The following STX6 variants were observed in gnomAD, a reference collection of about 807,000 sequenced individuals.
STX6 encodes syntaxin 6.
In STX6, 23 loss-of-function variants were observed where a neutral mutation model predicts 38.0. That is an observed-to-expected ratio of 0.60 (90% CI 0.43 to 0.86). The LOEUF (loss-of-function observed/expected upper bound fraction) is 0.86, where lower values mean the gene tolerates loss of function less well. STX6 is among the 40% of genes least tolerant of loss of function. The probability of loss-of-function intolerance (pLI) is 0.00; values close to 1 mark genes in which losing one functional copy is unlikely to be tolerated. For missense variants in STX6, 274 were observed against 312.9 expected (o/e 0.88, Z 0.94); for synonymous variants, 123 against 107.5 (o/e 1.14, Z -0.89).
chr1:181,000,630 CTCTT>C (rs796963562), intron 3 of STX6, among the ~76,000 whole-genome samples: 7 of 152,280 alleles, frequency 4.6e-5, no homozygotes, highest in East Asian at 3.9e-4. Context: ...TCATATCAAC[CTCTT>C]TCTAAGAATG....
intron 5 of STX6, among the ~76,000 whole-genome samples, chr1:180,989,687 G>A (rs1019340320): frequency 2.6e-5 from 4 of 151,872 alleles, no homozygotes; most frequent in Admixed American, 6.6e-5. Flanking sequence ...TGGCATGATC[G>A]AAGCTCACTG....
At position 180,972,966 on chromosome 1, in the gene STX6, G is replaced by A. The variant is rs550825391; in HGVS notation, c.*3604C>T. The A allele has an allele frequency of 3.4e-5, 7 of 207,846 alleles. No individual in the cohort carries two copies. The highest frequency in any genetic ancestry group is 2.0e-3 in the Middle Eastern group (1 of 488). The allele number at this position is 207,846 out of a possible 1,614,324, so 12.9% of individuals were successfully genotyped here. A position where few individuals can be genotyped will look rare whatever the true frequency, so the allele number is the denominator to read the frequency against. ...GAGTAAGGCCTGTCACTGGGGCAGG[G>A]GCACTGTCCTCAGGGGCGGACTTTG... On this transcript the variant is annotated 3_prime_UTR_variant, in exon 8 of 8. Transcript: ENST00000258301.
Position 181,022,853 on chromosome 1 carries a change from A to G in STX6, c.-180T>C, listed in dbSNP as rs1656787960. 2 of 594,460 alleles carry G rather than the reference A, an allele frequency of 3.4e-6. No individual in the cohort carries two copies. The highest frequency in any genetic ancestry group is 3.9e-5 in the African/African-American group (2 of 51,004). 36.8% of individuals were successfully genotyped at this position (594,460 alleles called of 1,614,324 possible). A position where few individuals can be genotyped will look rare whatever the true frequency, so the allele number is the denominator to read the frequency against. On this transcript the variant is annotated 5_prime_UTR_variant, in exon 1 of 8. Coordinates refer to ENST00000258301, the MANE Select transcript of STX6 (RefSeq NM_005819.6). ...ACGGCCGCTGGTCCAGCACTCGCTC[A>G]GCACCACTGGCCGAATCCCGGACTC... is the stretch of plus-strand genomic sequence containing the variant.
At chr1:181,022,589 A>C (rs1326807231) in intron 1 of STX6, 50 bp downstream of exon 1, 1 of 1,574,916 alleles carries the variant, frequency 6.3e-7, no homozygotes, top group Non-Finnish European at 8.6e-7. Context: ...AGGTGCGGGC[A>C]GGCAGCACCG....
Position 180,984,687 on chromosome 1 carries a change from A to G in STX6, c.681T>C (p.His227=), listed in dbSNP as rs151162475. Residue 227 remains histidine, a synonymous_variant, in exon 7 of 8, where the codon CAT becomes CAC. Coordinates refer to ENST00000258301, the MANE Select transcript of STX6 (RefSeq NM_005819.6). ...AAACGCCATACATACCACTGGTCAT[A>G]TGAGATACTTTTGCAAGTTTCTTCA... is the stretch of plus-strand genomic sequence containing the variant. ...NVMKKLAKVS[H]MTSDRRQWCA... 9.3e-5 allele frequency: 141 copies of G among 1,519,364 alleles called. 1 individual carries two copies. In the African/African-American group the frequency reaches 1.8e-3, roughly 19 times the overall value. The allele number at this position is 1,519,364 out of a possible 1,614,324, so 94.1% of individuals were successfully genotyped here.
rs1655854866 is a variant in STX6 at position 180,994,772 on chromosome 1, A to G, written c.301-1347T>C. Among the ~76,000 whole-genome samples, 3 of 152,198 alleles carry G rather than the reference A, an allele frequency of 2.0e-5. No individual in the cohort carries two copies. The South Asian group carries it at 6.2e-4, about 32-fold the overall frequency. ...TGCTCAATAGATCAGTAGGGTGACT[A>G]TAGTTCAACAATAATCTATCGTATA... On this transcript the variant is annotated intron_variant, in intron 3 of 7. Coordinates refer to ENST00000258301, the MANE Select transcript of STX6 (RefSeq NM_005819.6).
At chr1:181,019,819 C>A (rs761604296) in intron 1 of STX6, among the ~76,000 whole-genome samples, 1 of 152,260 alleles carries the variant, frequency 6.6e-6, no homozygotes, top group Non-Finnish European at 1.5e-5. Context: ...AACTTGGTAA[C>A]TGATAGCAAT....
At chr1:181,018,770 C>T (rs7528952) in intron 1 of STX6, among the ~76,000 whole-genome samples, 2,081 of 152,280 alleles carry the variant, frequency 0.014, 55 homozygotes, top group African/African-American at 0.048. Flanking sequence ...TTTCCTCACA[C>T]TGATGCATCC....
chr1:181,011,183 T>A (rs1017899863), intron 1 of STX6, among the ~76,000 whole-genome samples: 13 of 152,208 alleles, frequency 8.5e-5, no homozygotes, highest in African/African-American at 2.9e-4. Flanking sequence ...AACACAGACA[T>A]AAGAAAGGTA....
chr1:180,995,313 C>T (rs1347089731), intron 3 of STX6, among the ~76,000 whole-genome samples: 1 of 152,142 alleles, frequency 6.6e-6, no homozygotes, highest in South Asian at 2.1e-4. Context: ...CCTACGAAGT[C>T]AGACTCTTGA....
At chr1:180,990,236 T>TAAGC in intron 4 of STX6, 127 bp from the exon 5 acceptor site, 1 of 1,236,596 alleles carries the variant, frequency 8.1e-7, no homozygotes, top group Middle Eastern at 2.0e-4. Flanking sequence ...GGCAAGGCTT[T>TAAGC]TATGTAGTGG....
chr1:180,980,635 AC>A (rs1385287082), intron 7 of STX6: 1 of 128,092 alleles, frequency 7.8e-6, no homozygotes, highest in Non-Finnish European at 1.6e-5. Context: ...GCTCACTGCA[AC>A]CTCTGCCTCC....
chr1:181,007,190 A>G (rs1656249559), intron 1 of STX6, among the ~76,000 whole-genome samples: 2 of 152,196 alleles, frequency 1.3e-5, no homozygotes, highest in South Asian at 2.1e-4. Context: ...GTCCTTACAT[A>G]AAGTGGCATA....
At chr1:180,983,153 T>C (rs1655462824) in intron 7 of STX6, among the ~76,000 whole-genome samples, 5 of 152,232 alleles carry the variant, frequency 3.3e-5, no homozygotes, top group Admixed American at 3.3e-4. Context: ...CTCAACATAT[T>C]TTTACAGATA....
chr1:180,982,722 T>C (rs1368785382), intron 7 of STX6, among the ~76,000 whole-genome samples: 1 of 152,234 alleles, frequency 6.6e-6, no homozygotes. Context: ...AAACTGGTTA[T>C]ACAATTCTTC....
chr1:181,000,106 T>C (rs1182624172), intron 3 of STX6, among the ~76,000 whole-genome samples: 1 of 152,178 alleles, frequency 6.6e-6, no homozygotes, highest in Non-Finnish European at 1.5e-5. Context: ...CACTGGTAAA[T>C]ACTAACAGCT....
In STX6 at chr1:180,974,039, A is replaced by C. The variant is rs939898117; in HGVS notation, c.*2531T>G. ...CTCTCCCATTCTAGGACACAGGGTG[A>C]AGAGACCACCTGGGTTCCCTCTAAA... On this transcript the variant is annotated 3_prime_UTR_variant, in exon 8 of 8. Coordinates refer to ENST00000258301, the MANE Select transcript of STX6 (RefSeq NM_005819.6). 8 of 152,202 alleles carry C rather than the reference A, an allele frequency of 5.3e-5. No homozygotes were observed. The highest frequency in any genetic ancestry group is 1.0e-4 in the Non-Finnish European group (7 of 68,020). The allele number at this position is 152,202 out of a possible 1,614,324, so 9.4% of individuals were successfully genotyped here.
intron 1 of STX6, among the ~76,000 whole-genome samples, chr1:181,015,723 A>T (rs994776038): frequency 6.6e-6 from 1 of 150,518 alleles, no homozygotes; most frequent in Non-Finnish European, 1.5e-5. Context: ...GCTGGAGTGC[A>T]GTGGCGTGAT....
chr1:181,006,464 T>C (rs1656227064), intron 1 of STX6, among the ~76,000 whole-genome samples: 1 of 150,884 alleles, frequency 6.6e-6, no homozygotes, highest in South Asian at 2.1e-4. Flanking sequence ...TAAGAACTTT[T>C]ACCCCCACCA....
Sources: allele counts gnomAD v4.1 joint callset (sites outside exome capture counted in the v4.1 genomes callset), GRCh38; gene constraint gnomAD v4.1.1; transcripts MANE v1.5; gene names NCBI Gene and HGNC (gene_info 2026-07-23, HGNC 2026-07-21).